The following LYRM1 variants were observed in gnomAD, a reference collection of about 807,000 sequenced individuals.
LYRM1 encodes the protein LYR motif containing 1, also known as LYR motif-containing protein 1.
Under a neutral mutation model 14.9 loss-of-function variants are expected in LYRM1, and 14 were observed. The ratio of observed to expected loss-of-function variants is 0.94; its 90% confidence interval spans 0.62 to 1.47. The LOEUF (loss-of-function observed/expected upper bound fraction) is 1.47. Ranked by LOEUF, LYRM1 falls within the 40% of genes most tolerant of loss-of-function variation. LYRM1 has a pLI of 0.00. For missense variants in LYRM1, 153 were observed against 149.9 expected, an observed-to-expected ratio of 1.02 and a Z score of -0.11; for synonymous variants, 43 against 56.2, an observed-to-expected ratio of 0.77 and a Z score of 1.05.
chr16:20,911,040 T>G (rs1031762690), intron 1 of LYRM1: 36 of 152,356 alleles, frequency 2.4e-4, no homozygotes, highest in African/African-American at 7.7e-4. Flanking sequence ...TCATCTCATC[T>G]GGGTTTTTAT....
chr16:20,908,849 AAGAC>A (rs1328246305), intron 1 of LYRM1, among the ~76,000 whole-genome samples: 7 of 152,250 alleles, frequency 4.6e-5, no homozygotes, highest in African/African-American at 9.6e-5. Context: ...AGACTCAGCC[AAGAC>A]AGACAGAAGT....
At chr16:20,915,924 A>G (rs1335065328) in intron 2 of LYRM1, among the ~76,000 whole-genome samples, 1 of 152,192 alleles carries the variant, frequency 6.6e-6, no homozygotes. Flanking sequence ...GTCTCAAGCC[A>G]GCCAGTAAGT....
intron 1 of LYRM1, among the ~76,000 whole-genome samples, chr16:20,907,371 C>A (rs191097458): frequency 8.8e-4 from 134 of 152,090 alleles, no homozygotes; most frequent in Non-Finnish European, 1.6e-3. Context: ...TTTTTATTTT[C>A]ATTTTTTGAG....
chr16:20,919,777 G>C (rs556856662), intron 2 of LYRM1, among the ~76,000 whole-genome samples: 4 of 152,252 alleles, frequency 2.6e-5, no homozygotes, highest in African/African-American at 9.6e-5. Flanking sequence ...AAAATAATCA[G>C]CTTCTACATA....
intron 1 of LYRM1, among the ~76,000 whole-genome samples, chr16:20,906,482 C>T (rs1045072122): frequency 1.3e-5 from 2 of 152,158 alleles, no homozygotes; most frequent in Non-Finnish European, 2.9e-5. Context: ...GAAAAAATTC[C>T]ACCTAGGGGT....
chr16:20,905,065 ACAG>A, intron 1 of LYRM1, among the ~76,000 whole-genome samples: 1 of 152,160 alleles, frequency 6.6e-6, no homozygotes, highest in Non-Finnish European at 1.5e-5. Context: ...TCAGAGGGAA[ACAG>A]CTTTAGGAAA....
chr16:20,902,744 T>TCA (rs2082126716), intron 1 of LYRM1: 1 of 152,242 alleles, frequency 6.6e-6, no homozygotes, highest in African/African-American at 2.4e-5. Context: ...ATAGAAAACC[T>TCA]GACTTTTTGG....
At chr16:20,922,516 G>A (rs1410119140) in intron 3 of LYRM1, among the ~76,000 whole-genome samples, 1 of 151,944 alleles carries the variant, frequency 6.6e-6, no homozygotes, top group Non-Finnish European at 1.5e-5. Context: ...TTTAGACGGA[G>A]TCTCGCACTG....
chr16:20,904,149 C>A (rs774097164), intron 1 of LYRM1, among the ~76,000 whole-genome samples: 1 of 152,138 alleles, frequency 6.6e-6, no homozygotes, highest in Non-Finnish European at 1.5e-5. Flanking sequence ...AAACATACTT[C>A]CATTTCTTTT....
intron 2 of LYRM1, among the ~76,000 whole-genome samples, chr16:20,919,213 T>A (rs1476451229): frequency 2.0e-5 from 3 of 152,212 alleles, no homozygotes; most frequent in Non-Finnish European, 4.4e-5. Flanking sequence ...TTCCCCTTAC[T>A]AATGAGCCAA....
intron 1 of LYRM1, among the ~76,000 whole-genome samples, chr16:20,903,203 G>A (rs1015124354): frequency 6.6e-6 from 1 of 152,162 alleles, no homozygotes; most frequent in Non-Finnish European, 1.5e-5. Context: ...TTAAAAATTG[G>A]ACATCAAAAT....
chr16:20,920,097 C>G (rs916332734), intron 2 of LYRM1, 25 bp from the exon 3 acceptor site: 1 of 1,506,882 alleles, frequency 6.6e-7, no homozygotes, highest in African/African-American at 1.4e-5. Flanking sequence ...TACTATCAGC[C>G]TCATTTCTTT....
At chr16:20,923,257 T>C (rs2083288652) in intron 3 of LYRM1, among the ~76,000 whole-genome samples, 1 of 152,230 alleles carries the variant, frequency 6.6e-6, no homozygotes, top group Admixed American at 6.5e-5. Context: ...CCCAGCACTA[T>C]GGGAGGCCAA....
chr16:20,916,919 G>A (rs1230055713), intron 2 of LYRM1, among the ~76,000 whole-genome samples: 2 of 152,118 alleles, frequency 1.3e-5, no homozygotes, highest in Non-Finnish European at 2.9e-5. Flanking sequence ...AATTACAGTT[G>A]GGAAAAGTGC....
chr16:20,920,587 G>T, intron 3 of LYRM1: 1 of 232,910 alleles, frequency 4.3e-6, no homozygotes, highest in Non-Finnish European at 8.6e-6. Flanking sequence ...AAGTAAAAAT[G>T]GTCAAAAATT....
intron 2 of LYRM1, 51 bp from the exon 3 acceptor site, chr16:20,920,071 T>C (rs1202792210): frequency 1.6e-6 from 2 of 1,265,342 alleles, no homozygotes. Context: ...CTATACTCTA[T>C]GTACCATTAG....
At chr16:20,921,983 C>T (rs2083214933) in intron 3 of LYRM1, 2 of 149,642 alleles carry the variant, frequency 1.3e-5, no homozygotes, top group African/African-American at 2.5e-5. Flanking sequence ...TTGTATGTAG[C>T]TCTCCCTCAA....
At chr16:20,922,855 G>A (rs949943623) in intron 3 of LYRM1, among the ~76,000 whole-genome samples, 2 of 152,060 alleles carry the variant, frequency 1.3e-5, no homozygotes, top group South Asian at 2.1e-4. Flanking sequence ...AGGATTTGCC[G>A]TCTGCAAGCT....
intron 1 of LYRM1, among the ~76,000 whole-genome samples, chr16:20,914,486 G>A (rs1248810208): frequency 2.1e-5 from 3 of 141,588 alleles, no homozygotes; most frequent in Non-Finnish European, 3.0e-5. Flanking sequence ...TATTTTAGTA[G>A]AGACAAGGTT....
Sources: gnomAD v4.1 joint callset for allele counts (sites outside exome capture counted in the v4.1 genomes callset) on GRCh38, gnomAD v4.1.1 for gene constraint, MANE v1.5 for transcripts, NCBI Gene and HGNC (gene_info 2026-07-23, HGNC 2026-07-21) for gene names.